STK4: variants seen among roughly 807,000 people sequenced by gnomAD.
STK4 encodes the protein serine/threonine-protein kinase 4.
A neutral mutation model predicts 64.9 loss-of-function variants in STK4; 30 were observed. That is an observed-to-expected ratio of 0.46 (90% CI 0.35 to 0.63). The LOEUF (loss-of-function observed/expected upper bound fraction) is 0.63. STK4 is among the 20% of genes least tolerant of loss of function. The pLI is 0.01. For synonymous variants in STK4, 177 were observed against 199.0 expected, an observed-to-expected ratio of 0.89 and a Z score of 0.93; for missense variants, 466 against 598.5, an observed-to-expected ratio of 0.78 and a Z score of 2.31.
chr20:45,002,125 A>G (rs1362354947), intron 9 of STK4, among the ~76,000 whole-genome samples: 9 of 152,170 alleles, frequency 5.9e-5, no homozygotes, highest in Non-Finnish European at 1.2e-4. Context: ...TGCAGTAATG[A>G]GCTACTGACC....
At chr20:45,049,413 ATTTT>A (rs2145434922) in intron 10 of STK4, among the ~76,000 whole-genome samples, 1 of 152,276 alleles carries the variant, frequency 6.6e-6, no homozygotes, top group Non-Finnish European at 1.5e-5. Flanking sequence ...GCATAAAGTT[ATTTT>A]CACACATTGG....
At chr20:45,069,637 G>A (rs1159741958) in intron 10 of STK4, among the ~76,000 whole-genome samples, 1 of 152,174 alleles carries the variant, frequency 6.6e-6, no homozygotes, top group Non-Finnish European at 1.5e-5. Flanking sequence ...AGGGCAGAAC[G>A]CACTTCTTAT....
chr20:45,004,634 A>G (rs2067902177), intron 9 of STK4, among the ~76,000 whole-genome samples: 2 of 150,114 alleles, frequency 1.3e-5, no homozygotes, highest in African/African-American at 4.9e-5. Flanking sequence ...TTGTCTGTTC[A>G]CTCTGATGAT....
intron 10 of STK4, among the ~76,000 whole-genome samples, chr20:45,028,537 A>C (rs1276104729): frequency 3.3e-5 from 5 of 152,094 alleles, no homozygotes; most frequent in Non-Finnish European, 7.4e-5. Context: ...ATGTTGCCCC[A>C]GCTCATCTGG....
At chr20:45,026,949 C>A (rs2068359063) in intron 10 of STK4, among the ~76,000 whole-genome samples, 1 of 152,148 alleles carries the variant, frequency 6.6e-6, no homozygotes, top group Non-Finnish European at 1.5e-5. Context: ...TGCGTCTGTT[C>A]CATGTTGCCT....
Position 45,075,099 on chromosome 20 carries a change from C to T in STK4, c.1387C>T (p.Arg463Trp), listed in dbSNP as rs774995364. Residue 463 changes from arginine to tryptophan, a missense_variant, in exon 11 of 11, where the codon CGG becomes TGG. By Grantham distance (101) the Arg-to-Trp change is moderately radical (BLOSUM62 -3). Transcript: ENST00000372806. ...GATGGAGCAGGAGATTGAAGAGATC[C>T]GGCAGAAGTACCAGTCCAAGCGGCA... Reference protein sequence around the residue: ...PMMEQEIEEIRQKYQSKRQPI... With the variant: ...PMMEQEIEEIWQKYQSKRQPI... 7 of 1,614,110 alleles carry T rather than the reference C, an allele frequency of 4.3e-6. No individual in the cohort carries two copies. The South Asian group carries it at 4.4e-5, about 10-fold the overall frequency.
chr20:45,034,078 C>T (rs959666580), intron 10 of STK4, among the ~76,000 whole-genome samples: 3 of 151,736 alleles, frequency 2.0e-5, no homozygotes, highest in African/African-American at 7.3e-5. Flanking sequence ...AAGAATTATA[C>T]AAAATTCAAA....
chr20:45,050,363 G>C (rs934466276), intron 10 of STK4, among the ~76,000 whole-genome samples: 1 of 152,138 alleles, frequency 6.6e-6, no homozygotes, highest in African/African-American at 2.4e-5. Flanking sequence ...AAACATTTGT[G>C]TTTGTGATCT....
At chr20:45,020,514 C>G (rs1210373254) in intron 9 of STK4, among the ~76,000 whole-genome samples, 1 of 151,526 alleles carries the variant, frequency 6.6e-6, no homozygotes, top group African/African-American at 2.4e-5. Flanking sequence ...GATAGAGATA[C>G]TGAAACTGTG....
intron 9 of STK4, among the ~76,000 whole-genome samples, chr20:45,012,266 C>T (rs146029199): frequency 6.6e-6 from 1 of 152,094 alleles, no homozygotes; most frequent in Non-Finnish European, 1.5e-5. Flanking sequence ...GATCTCCTGA[C>T]CTCGTGATCC....
chr20:45,002,130 C>T (rs1419715198), intron 9 of STK4, among the ~76,000 whole-genome samples: 1 of 152,176 alleles, frequency 6.6e-6, no homozygotes, highest in Non-Finnish European at 1.5e-5. Context: ...TAATGAGCTA[C>T]TGACCTCTAG....
At chr20:45,041,845 A>AGCCT (rs1254948225) in intron 10 of STK4, among the ~76,000 whole-genome samples, 1 of 152,190 alleles carries the variant, frequency 6.6e-6, no homozygotes, top group Non-Finnish European at 1.5e-5. Flanking sequence ...ATTGTTTGTT[A>AGCCT]GCCTGCCGCA....
At chr20:45,005,663 A>C (rs562222459) in intron 9 of STK4, among the ~76,000 whole-genome samples, 36 of 151,660 alleles carry the variant, frequency 2.4e-4, no homozygotes, top group East Asian at 1.9e-3. Flanking sequence ...AAAAAAAAAA[A>C]AAAACAAAAC....
intron 10 of STK4, among the ~76,000 whole-genome samples, chr20:45,034,532 CAAG>C (rs1192146870): frequency 1.3e-5 from 2 of 152,128 alleles, no homozygotes; most frequent in Admixed American, 6.6e-5. Context: ...TACTTTTGAA[CAAG>C]AAGAACAAGG....
chr20:44,997,412 C>A, intron 7 of STK4, 106 bp downstream of exon 7: 2 of 1,417,344 alleles, frequency 1.4e-6, no homozygotes, highest in South Asian at 2.9e-5. Context: ...ATAAGGCAGG[C>A]TGGGTGCAGT....
intron 4 of STK4, 47 bp from the exon 5 acceptor site, chr20:44,987,085 G>C: frequency 6.8e-7 from 1 of 1,464,304 alleles, no homozygotes; most frequent in Non-Finnish European, 9.2e-7. Flanking sequence ...TTTTTCTAAT[G>C]CGCTGATGTA....
At chr20:45,021,375 CAG>C (rs542532067) in intron 9 of STK4, among the ~76,000 whole-genome samples, 5 of 152,174 alleles carry the variant, frequency 3.3e-5, no homozygotes, top group Non-Finnish European at 5.9e-5. Flanking sequence ...AATGTAATGA[CAG>C]TGTTATTCAC....
intron 10 of STK4, among the ~76,000 whole-genome samples, chr20:45,035,543 T>C (rs1360433914): frequency 6.6e-6 from 1 of 152,212 alleles, no homozygotes; most frequent in Non-Finnish European, 1.5e-5. Context: ...TTATGACTTC[T>C]TCTATAAAAA....
intron 4 of STK4, among the ~76,000 whole-genome samples, chr20:44,986,678 G>A (rs1000758141): frequency 5.3e-5 from 8 of 152,216 alleles, no homozygotes; most frequent in Non-Finnish European, 1.0e-4. Flanking sequence ...TGGTGACTTG[G>A]ACCATGGTGA....
Sources: allele counts gnomAD v4.1 joint callset (sites outside exome capture counted in the v4.1 genomes callset), GRCh38; gene constraint gnomAD v4.1.1; transcripts MANE v1.5; gene names NCBI Gene and HGNC (gene_info 2026-07-23, HGNC 2026-07-21).